NXN: variants seen among roughly 807,000 people sequenced by gnomAD.
The protein encoded by NXN is nucleoredoxin, also known as nucleoredoxin 1.
A neutral mutation model predicts 48.6 loss-of-function variants in NXN; 16 were observed. The ratio of observed to expected loss-of-function variants is 0.33; its 90% CI spans 0.22 to 0.50. The LOEUF (loss-of-function observed/expected upper bound fraction) is 0.50. Ranked by LOEUF, NXN falls within the 20% of genes least tolerant of loss-of-function variation. The pLI, the probability that NXN is intolerant of heterozygous loss-of-function variation, is 0.98. For synonymous variants in NXN, 281 were observed against 269.6 expected (o/e 1.04, Z -0.41); for missense variants, 492 against 605.5 (o/e 0.81, Z 1.97).
chr17:920,446 A>G lies in NXN; in HGVS notation c.360+58873T>C, dbSNP rs560620623. On this transcript the variant is annotated intron_variant, in intron 1 of 7. Coordinates refer to ENST00000336868, the MANE Select transcript of NXN (RefSeq NM_022463.5). The surrounding 1 kb of genome is among the most constrained non-coding windows in gnomAD (Gnocchi z 4.6). ...GCCTTGGGGATGCCGAGCCTGCCTGATCCCAATTCCTCCAGCGTTCTCCTC... is the reference window on the plus strand; with the variant it reads ...GCCTTGGGGATGCCGAGCCTGCCTGGTCCCAATTCCTCCAGCGTTCTCCTC... 1.3e-5 allele frequency among the ~76,000 whole-genome samples: 2 copies of G among 151,820 alleles called. No individual in the cohort carries two copies. The highest frequency in any genetic ancestry group is 4.1e-4 in the South Asian group (2 of 4,822).
intron 1 of NXN, among the ~76,000 whole-genome samples, chr17:887,328 G>A (rs2663320): frequency 0.082 from 12,436 of 152,220 alleles, 723 homozygotes; most frequent in South Asian, 0.22. Context: ...AGGGGGAGGT[G>A]TGGACAACGT....
intron 1 of NXN, among the ~76,000 whole-genome samples, chr17:896,370 G>A (rs1055293368): frequency 6.6e-6 from 1 of 151,530 alleles, no homozygotes; most frequent in Non-Finnish European, 1.5e-5. Context: ...AGTAAGCAAG[G>A]CATGGTGGCG....
At chr17:865,693 C>T (rs1257947809) in intron 1 of NXN, among the ~76,000 whole-genome samples, 2 of 151,878 alleles carry the variant, frequency 1.3e-5, no homozygotes, top group Non-Finnish European at 2.9e-5. Context: ...GATAGATGTG[C>T]AACAATGTTG....
chr17:968,986 C>CA (rs1343804487), intron 1 of NXN, among the ~76,000 whole-genome samples: 3 of 151,354 alleles, frequency 2.0e-5, no homozygotes, highest in African/African-American at 4.9e-5. Flanking sequence ...AGAAAAGAAG[C>CA]AAAAAAATGA....
intron 1 of NXN, among the ~76,000 whole-genome samples, chr17:957,149 CA>C (rs1199291758): frequency 6.6e-6 from 1 of 151,942 alleles, no homozygotes; most frequent in African/African-American, 2.4e-5. Flanking sequence ...CAACAACGTG[CA>C]AAGGTGATTT....
chr17:958,066 G>A lies in NXN; in HGVS notation c.360+21253C>T, dbSNP rs1597276547. Among the ~76,000 whole-genome samples, 2 of 152,170 alleles carry A rather than the reference G, an allele frequency of 1.3e-5. No homozygotes were observed. Among genetic ancestry groups the A allele is most frequent in the Admixed American group, 1.3e-4 (2 of 15,268 alleles). ...CATCCTATACTTAGGCGCCTCGGCA[G>A]GATCAAATGAACCCTCTCCGTCTCA... On this transcript the variant is annotated intron_variant, in intron 1 of 7. Coordinates refer to ENST00000336868, the MANE Select transcript of NXN (RefSeq NM_022463.5). This position sits in a 1 kb window ranked among gnomAD's most constrained non-coding sequence, Gnocchi z 6.9.
intron 1 of NXN, among the ~76,000 whole-genome samples, chr17:840,094 CAAA>C (rs202070104): frequency 7.8e-6 from 1 of 128,080 alleles, no homozygotes. Context: ...GAGACTGTCT[CAAA>C]AAAAAAAAAA....
chr17:897,527 G>T (rs1430257944), intron 1 of NXN, among the ~76,000 whole-genome samples: 2 of 152,194 alleles, frequency 1.3e-5, no homozygotes, highest in Non-Finnish European at 2.9e-5. Context: ...TTCACGTCCG[G>T]CATGTTCCGC....
At chr17:867,968 T>C (rs1471136600) in intron 1 of NXN, among the ~76,000 whole-genome samples, 1 of 151,892 alleles carries the variant, frequency 6.6e-6, no homozygotes, top group African/African-American at 2.4e-5. Flanking sequence ...GTGGGGGTCC[T>C]GTGTGGTTGT....
At chr17:821,137 G>A (rs1418207306) in intron 4 of NXN, among the ~76,000 whole-genome samples, 1 of 75,558 alleles carries the variant, frequency 1.3e-5, no homozygotes, top group Non-Finnish European at 2.4e-5. Flanking sequence ...AGGACTGCGG[G>A]CCAATAAGCC....
At chr17:829,794 C>T (rs538171581) in intron 1 of NXN, among the ~76,000 whole-genome samples, 2 of 152,320 alleles carry the variant, frequency 1.3e-5, no homozygotes, top group South Asian at 4.1e-4. Context: ...CTGCAAAGGA[C>T]ATGAACTCAT....
intron 1 of NXN, among the ~76,000 whole-genome samples, chr17:943,704 C>A (rs1286196454): frequency 1.4e-5 from 2 of 144,674 alleles, no homozygotes; most frequent in Non-Finnish European, 3.2e-5. Context: ...CGCCTGTAAT[C>A]CCAGCTACGA....
At chr17:895,565 C>A (rs949818636) in intron 1 of NXN, among the ~76,000 whole-genome samples, 63 of 151,374 alleles carry the variant, frequency 4.2e-4, no homozygotes, top group Non-Finnish European at 4.4e-4. Flanking sequence ...CTAATCCCAG[C>A]ACTTTGGGAG....
intron 1 of NXN, among the ~76,000 whole-genome samples, chr17:950,260 T>C (rs1358151396): frequency 6.6e-6 from 1 of 152,112 alleles, no homozygotes; most frequent in Non-Finnish European, 1.5e-5. Context: ...CAGGAAAGAA[T>C]CAAGGAAGAA....
intron 1 of NXN, among the ~76,000 whole-genome samples, chr17:935,969 G>A (rs769278698): frequency 6.6e-6 from 1 of 151,830 alleles, no homozygotes; most frequent in Non-Finnish European, 1.5e-5. Flanking sequence ...GTGCATGCTT[G>A]TAATCCCAGC....
intron 1 of NXN, among the ~76,000 whole-genome samples, chr17:851,258 G>GGCTCCA (rs1186076726): frequency 1.3e-5 from 2 of 152,248 alleles, no homozygotes; most frequent in African/African-American, 4.8e-5. Context: ...CTTGCCACTT[G>GGCTCCA]GCTCCAGCTC....
At chr17:858,244 C>T (rs1368697222) in intron 1 of NXN, among the ~76,000 whole-genome samples, 1 of 152,088 alleles carries the variant, frequency 6.6e-6, no homozygotes, top group East Asian at 1.9e-4. Flanking sequence ...GTCTTGAACT[C>T]CTGAGTTCCA....
At chr17:857,566 C>T (rs1214669689) in intron 1 of NXN, among the ~76,000 whole-genome samples, 1 of 152,056 alleles carries the variant, frequency 6.6e-6, no homozygotes, top group Admixed American at 6.6e-5. Flanking sequence ...AGCCTAAACA[C>T]CAACTATTCT....
At chr17:869,401 G>A (rs1402413418) in intron 1 of NXN, among the ~76,000 whole-genome samples, 2 of 152,082 alleles carry the variant, frequency 1.3e-5, no homozygotes, top group Non-Finnish European at 1.5e-5. Flanking sequence ...GGTTCCAGGG[G>A]GGCTGCCTGA....
Sources: allele counts gnomAD v4.1 joint callset (sites outside exome capture counted in the v4.1 genomes callset), GRCh38; gene constraint gnomAD v4.1.1; non-coding constraint Gnocchi (gnomAD v3.1); transcripts MANE v1.5; gene names NCBI Gene and HGNC (gene_info 2026-07-23, HGNC 2026-07-21).